The following TET2 variants were observed in gnomAD, a reference collection of about 807,000 sequenced individuals.
The protein encoded by TET2 is methylcytosine dioxygenase TET2.
In TET2, 299 loss-of-function variants were observed where a neutral mutation model predicts 142.9. The observed-to-expected ratio is 2.09, with a 90% CI of 1.90 to 2.30. The LOEUF (loss-of-function observed/expected upper bound fraction) is 2.30, where lower values mean the gene tolerates loss of function less well. Among genes scored for constraint, TET2 ranks in the 30% most tolerant of loss-of-function variants. The pLI is 0.00. For missense variants in TET2, 2,418 were observed against 2,378.0 expected (o/e 1.02, Z -0.35); for synonymous variants, 819 against 849.0 (o/e 0.96, Z 0.61).
chr4:105,272,302 G>T (rs902498601), intron 9 of TET2, among the ~76,000 whole-genome samples: 2 of 152,130 alleles, frequency 1.3e-5, no homozygotes, highest in African/African-American at 4.8e-5. Context: ...GAAGAACAAG[G>T]GTCACCACAG....
chr4:105,148,039 T>TTC (rs927496511), intron 1 of TET2, among the ~76,000 whole-genome samples: 31 of 151,830 alleles, frequency 2.0e-4, no homozygotes, highest in African/African-American at 7.3e-4. Flanking sequence ...CTACTCTTTC[T>TTC]TCTCTCTCTC....
At chr4:105,270,674 TTATATATATA>T (rs3055846) in intron 9 of TET2, among the ~76,000 whole-genome samples, 6 of 149,352 alleles carry the variant, frequency 4.0e-5, no homozygotes, top group Admixed American at 2.0e-4. Flanking sequence ...TAGATACATG[TTATATATATA>T]TATATATATA....
intron 1 of TET2, among the ~76,000 whole-genome samples, chr4:105,150,425 A>T (rs1421801044): frequency 6.6e-6 from 1 of 152,222 alleles, no homozygotes; most frequent in Non-Finnish European, 1.5e-5. Context: ...ATAACCATGT[A>T]GACTGTTTTA....
Position 105,234,036 on chromosome 4 carries a change from A to G in TET2, c.94A>G (p.Thr32Ala). ...PPICQTEPLA[T>A]KLQNGSPLPE... ...CATTTGCCAGACAGAACCTCTGGCT[A>G]CAAAGCTCCAGAATGGAAGCCCACT... Residue 32 changes from threonine (T) to alanine (A), a missense_variant, in exon 3 of 11, where the codon ACA (threonine) becomes GCA (alanine). Coordinates refer to ENST00000380013, the MANE Select transcript of TET2 (RefSeq NM_001127208.3). The G allele has an allele frequency of 1.2e-6, 2 of 1,614,118 alleles. No individual in the cohort carries two copies. The highest frequency in any genetic ancestry group is 8.5e-7 in the Non-Finnish European group (1 of 1,179,986).
chr4:105,206,428 T>C (rs1288246209), intron 2 of TET2, among the ~76,000 whole-genome samples: 1 of 152,224 alleles, frequency 6.6e-6, no homozygotes, highest in Non-Finnish European at 1.5e-5. Context: ...AGTTTCTGTT[T>C]AGTGTTTCTT....
In TET2 at chr4:105,172,681, T is replaced by A. The variant is rs559562523; in HGVS notation, c.-192-17679T>A. ...AGTGTTCCATTCAAATGCCTGTATG[T>A]TTATGAGAAACATTTCAGAACTATG... On this transcript the variant is annotated intron_variant, in intron 1 of 10. Transcript: ENST00000380013. The A allele has an allele frequency of 7.2e-5, 11 of 152,384 alleles. No individual in the cohort carries two copies. In the East Asian group the frequency reaches 2.1e-3, roughly 29 times the overall value. 9.4% of individuals were successfully genotyped at this position (152,384 alleles called of 1,614,324 possible). A position where few individuals can be genotyped will look rare whatever the true frequency, so the allele number is the denominator to read the frequency against.
rs1471877266 is a variant in TET2, at chr4:105,272,614, G to T, written c.4233G>T (p.Glu1411Asp). 1 of 1,550,092 alleles carries T rather than the reference G, an allele frequency of 6.5e-7. No individual in the cohort carries two copies. The highest frequency in any genetic ancestry group is 2.0e-5 in the Admixed American group (1 of 50,682). The change falls in exon 10 of 11, where the codon GAG becomes GAT. Residue 1411 changes from glutamate (E) to aspartate (D), a missense_variant. By Grantham distance (45) the Glu-to-Asp change is conservative (BLOSUM62 2). Transcript: ENST00000380013. ...EDNREFGGKP[E>D]DEQLHVLPLY... ...ATCGAGAATTTGGAGGAAAACCTGA[G>T]GATGAGCAGCTTCACGTTCTGCCTT...
intron 6 of TET2, among the ~76,000 whole-genome samples, chr4:105,246,539 C>G (rs1218522996): frequency 1.3e-5 from 2 of 152,142 alleles, no homozygotes; most frequent in Non-Finnish European, 2.9e-5. Context: ...TAGAGCAATT[C>G]TCCAAAATAA....
rs1356066238 is a variant in TET2, at chr4:105,252,337, C to T, written c.3804-7282C>T. ...TAGTAATAAGCTTTTAAATTTTCCA[C>T]CATGTCATGATCGTTCATTTCTTTT... On this transcript the variant is annotated intron_variant, in intron 6 of 10. Transcript: ENST00000380013. Among the ~76,000 whole-genome samples, 4 of 152,178 alleles carry T rather than the reference C, an allele frequency of 2.6e-5. No individual in the cohort carries two copies. In the East Asian group the frequency reaches 7.7e-4, roughly 29 times the overall value.
chr4:105,275,050 C>CT lies in TET2; in HGVS notation c.4544dup (p.Leu1515PhefsTer63). 6.6e-7 allele frequency: 1 copy of CT among 1,524,176 alleles called. No homozygotes were observed. Among genetic ancestry groups the CT allele is most frequent in the African/African-American group, 1.4e-5 (1 of 72,236 alleles). The allele number at this position is 1,524,176 out of a possible 1,614,324, so 94.4% of individuals were successfully genotyped here. A position where few individuals can be genotyped will look rare whatever the true frequency, so the allele number is the denominator to read the frequency against. On this transcript the variant is annotated frameshift_variant, in exon 11 of 11. Transcript: ENST00000380013. LOFTEE classifies it low-confidence loss of function (END_TRUNC). The stretch of plus-strand genomic sequence containing the variant: ...GTTCTCTCTTACCCTGTCCACAGAA[C>CT]TTTTGCGACTTTCAGGACCAGTCAT...
rs1222400448 is a variant in TET2, at chr4:105,278,191, T to C, written c.*1672T>C. On this transcript the variant is annotated 3_prime_UTR_variant, in exon 11 of 11. Transcript: ENST00000380013. ...ATATACATATATATATATATATATA[T>C]ATATATATATATGAGTTTGAAGCAG... is the stretch of plus-strand genomic sequence containing the variant. 6.3e-6 allele frequency: 1 copy of C among 157,498 alleles called. No individual in the cohort carries two copies. The highest frequency in any genetic ancestry group is 2.6e-5 in the African/African-American group (1 of 38,336). The allele number at this position is 157,498 out of a possible 1,614,324, so 9.8% of individuals were successfully genotyped here.
rs1731263549 is a variant in TET2, at chr4:105,277,119, G to A, written c.*600G>A. The A allele has an allele frequency of 4.3e-6, 1 of 231,756 alleles. No individual in the cohort carries two copies. The highest frequency in any genetic ancestry group is 5.6e-5 in the Admixed American group (1 of 17,768). The allele number at this position is 231,756 out of a possible 1,614,324, so 14.4% of individuals were successfully genotyped here. A position where few individuals can be genotyped will look rare whatever the true frequency, so the allele number is the denominator to read the frequency against. On this transcript the variant is annotated 3_prime_UTR_variant, in exon 11 of 11. Transcript: ENST00000380013. ...TTGTTTGGATGTTCTAAGAAATGGT[G>A]CTAAGAAAATGGTGTCTTTAATAGC... is the stretch of plus-strand genomic sequence containing the variant.
chr4:105,265,402 G>T (rs1301349877), intron 8 of TET2, among the ~76,000 whole-genome samples: 3 of 152,202 alleles, frequency 2.0e-5, no homozygotes, highest in African/African-American at 7.2e-5. Context: ...CATTTAGATG[G>T]ATTTCCAGTA....
Position 105,234,954 on chromosome 4 carries a change from AATAAC to A in TET2, c.1015_1019del (p.Asn339ProfsTer10). 6.2e-7 allele frequency: 1 copy of A among 1,614,024 alleles called. No individual in the cohort carries two copies. Among genetic ancestry groups the A allele is most frequent in the Non-Finnish European group, 8.5e-7 (1 of 1,179,968 alleles). Reference sequence around the variant, plus strand: ...TGAGATATGCCCATCTCCTGCAGAAAATAACATCCAGGGAACCACAAAGCTAGCGT... The same window carrying A: ...TGAGATATGCCCATCTCCTGCAGAAAATCCAGGGAACCACAAAGCTAGCGT... On this transcript the variant is annotated frameshift_variant, in exon 3 of 11. Transcript: ENST00000380013. LOFTEE classifies it high-confidence loss of function.
chr4:105,278,276 A>G lies in TET2; in HGVS notation c.*1757A>G, dbSNP rs191840725. On this transcript the variant is annotated 3_prime_UTR_variant, in exon 11 of 11. Transcript: ENST00000380013. ...CAAATATATCATAATGTGAGCTAAG[A>G]ATTCATTAAATGTTTGAGTGATGTT... 2.3e-3 allele frequency: 448 copies of G among 195,218 alleles called. 6 individuals carry two copies. In the Admixed American group the frequency reaches 0.026, roughly 11 times the overall value. 12.1% of individuals were successfully genotyped at this position (195,218 alleles called of 1,614,324 possible).
intron 7 of TET2, 38 bp from the exon 8 acceptor site, chr4:105,261,721 C>G (rs1578719767): frequency 7.7e-7 from 1 of 1,300,190 alleles, no homozygotes; most frequent in Non-Finnish European, 1.1e-6. Flanking sequence ...AGAAAATGGA[C>G]TTAGAATTTA....
intron 3 of TET2, 112 bp downstream of exon 3, chr4:105,237,463 G>T (rs1384549703): frequency 1.2e-6 from 2 of 1,611,734 alleles, no homozygotes; most frequent in Non-Finnish European, 1.7e-6. Context: ...GCAGCAATTT[G>T]TAAAGGCTCA....
rs1034518391 is a variant in TET2 at position 105,182,113 on chromosome 4, C to A, written c.-192-8247C>A. 2.0e-5 allele frequency among the ~76,000 whole-genome samples: 3 copies of A among 152,292 alleles called. No homozygotes were observed. The East Asian group carries it at 5.8e-4, about 29-fold the overall frequency. On this transcript the variant is annotated intron_variant, in intron 1 of 10. Transcript: ENST00000380013. Reference sequence around the variant, plus strand: ...TGGCTACAACCAAAGTTAATAGTTACATTTTTTTCCAGTGACAAATGGTAA... The same window carrying A: ...TGGCTACAACCAAAGTTAATAGTTAAATTTTTTTCCAGTGACAAATGGTAA...
At position 105,275,957 on chromosome 4, in the gene TET2, T is replaced by C. The variant is rs762460609; in HGVS notation, c.5447T>C (p.Leu1816Ser). The change falls in exon 11 of 11, where the codon TTA becomes TCA. Residue 1816 changes from leucine (L) to serine (S), a missense_variant. Coordinates refer to ENST00000380013, the MANE Select transcript of TET2 (RefSeq NM_001127208.3). ...HDRTACVQGG[L>S]HKLSDANGQE... ...AGAACTGCTTGTGTCCAAGGAGGCT[T>C]ACACAAATTAAGTGATGCTAATGGT... 37 of 1,551,848 alleles carry C rather than the reference T, an allele frequency of 2.4e-5. No homozygotes were observed. In the South Asian group the frequency reaches 4.4e-4, roughly 18 times the overall value.
Sources: allele counts gnomAD v4.1 joint callset (sites outside exome capture counted in the v4.1 genomes callset), GRCh38; gene constraint gnomAD v4.1.1; transcripts MANE v1.5; gene names NCBI Gene and HGNC (gene_info 2026-07-23, HGNC 2026-07-21).